The following SLC39A11 variants were observed in gnomAD, a reference collection of about 807,000 sequenced individuals.
The protein encoded by SLC39A11 is zinc transporter ZIP11.
Under a neutral mutation model 36.1 loss-of-function variants are expected in SLC39A11, and 33 were observed. The observed-to-expected ratio is 0.91, with a 90% CI of 0.69 to 1.22. The LOEUF is 1.22. Among genes scored for constraint, SLC39A11 ranks in the 50% most tolerant of loss-of-function variants. The pLI, the probability that SLC39A11 is intolerant of heterozygous loss-of-function variation, is 0.00. For missense variants in SLC39A11, 432 were observed against 430.3 expected (o/e 1.00, Z -0.03); for synonymous variants, 166 against 170.3 (o/e 0.97, Z 0.20).
At chr17:72,740,443 C>A (rs147932183) in intron 6 of SLC39A11, among the ~76,000 whole-genome samples, 6 of 152,220 alleles carry the variant, frequency 3.9e-5, no homozygotes, top group African/African-American at 1.4e-4. Context: ...CAAGACCGTA[C>A]GTTTATGTTG....
At chr17:72,670,218 T>G (rs1349079609) in intron 7 of SLC39A11, among the ~76,000 whole-genome samples, 1 of 145,330 alleles carries the variant, frequency 6.9e-6, no homozygotes, top group Non-Finnish European at 1.5e-5. Flanking sequence ...CACACATATA[T>G]ATATATGCCA....
chr17:72,891,356 T>A (rs1436253225), intron 5 of SLC39A11, among the ~76,000 whole-genome samples: 2 of 152,098 alleles, frequency 1.3e-5, no homozygotes, highest in Non-Finnish European at 2.9e-5. Context: ...GGGAGGTGAT[T>A]TGGACTCTTG....
intron 3 of SLC39A11, among the ~76,000 whole-genome samples, chr17:73,083,407 C>T (rs2060614662): frequency 6.6e-6 from 1 of 152,190 alleles, no homozygotes; most frequent in Non-Finnish European, 1.5e-5. Context: ...TGGCAGGCTC[C>T]ACCTCCAGGC....
chr17:72,860,719 C>T (rs374946601), intron 5 of SLC39A11, among the ~76,000 whole-genome samples: 2 of 152,130 alleles, frequency 1.3e-5, no homozygotes, highest in African/African-American at 4.8e-5. Context: ...GGAGGACTAT[C>T]GGTGTCATTG....
At chr17:72,885,021 A>C (rs1045271370) in intron 5 of SLC39A11, among the ~76,000 whole-genome samples, 15 of 152,218 alleles carry the variant, frequency 9.9e-5, no homozygotes, top group Admixed American at 2.6e-4. Context: ...GGGCTGGAGC[A>C]CTTGAATGAT....
chr17:73,024,197 C>A (rs561864712), intron 4 of SLC39A11, among the ~76,000 whole-genome samples: 2 of 152,320 alleles, frequency 1.3e-5, no homozygotes, highest in East Asian at 3.9e-4. Context: ...ACAACTGTGT[C>A]CCCACACTGG....
rs181464142 is a variant in SLC39A11, at chr17:72,756,764, T to C, written c.602-20045A>G. ...TAATCCAAAACCACAGCCTTACAAA[T>C]AGTTAATTAAGATGGTAATTTTGTT... On this transcript the variant is annotated intron_variant, in intron 6 of 9. Transcript: ENST00000255559. 1.5e-4 allele frequency among the ~76,000 whole-genome samples: 23 copies of C among 152,250 alleles called. No individual in the cohort carries two copies. The East Asian group carries it at 1.5e-3, about 10-fold the overall frequency.
At chr17:72,944,836 G>A (rs1007912121) in intron 5 of SLC39A11, among the ~76,000 whole-genome samples, 2 of 152,068 alleles carry the variant, frequency 1.3e-5, no homozygotes, top group Non-Finnish European at 2.9e-5. Flanking sequence ...AACACCCAAG[G>A]GTACCGTTAA....
chr17:72,906,108 C>A (rs2082645349), intron 5 of SLC39A11, among the ~76,000 whole-genome samples: 3 of 152,192 alleles, frequency 2.0e-5, no homozygotes, highest in African/African-American at 7.2e-5. Flanking sequence ...TAGAGTAGAG[C>A]AAAAGGGCCA....
intron 7 of SLC39A11, among the ~76,000 whole-genome samples, chr17:72,713,932 G>T (rs968163911): frequency 6.6e-6 from 1 of 152,164 alleles, no homozygotes; most frequent in African/African-American, 2.4e-5. Flanking sequence ...CCAGAGAAGT[G>T]AAATGACATT....
intron 3 of SLC39A11, among the ~76,000 whole-genome samples, chr17:73,041,942 C>T (rs9916389): frequency 0.58 from 88,705 of 151,988 alleles, 27,609 homozygotes; most frequent in East Asian, 0.73. Context: ...ATGCAAAATG[C>T]CCCAGGGATC....
chr17:72,802,770 A>G (rs2077133587), intron 6 of SLC39A11, among the ~76,000 whole-genome samples: 1 of 152,126 alleles, frequency 6.6e-6, no homozygotes. Flanking sequence ...GTAAACCAGT[A>G]GGTCTTTGTA....
intron 4 of SLC39A11, among the ~76,000 whole-genome samples, chr17:72,986,954 T>G (rs867912850): frequency 3.3e-5 from 5 of 152,144 alleles, no homozygotes; most frequent in Admixed American, 6.5e-5. Context: ...TCTGACATAG[T>G]ATGGATGTGT....
chr17:72,851,020 C>G (rs749400448), intron 5 of SLC39A11, among the ~76,000 whole-genome samples: 9 of 151,840 alleles, frequency 5.9e-5, no homozygotes, highest in East Asian at 1.9e-4. Context: ...CACAATGGAA[C>G]GAGGGAAGCG....
intron 5 of SLC39A11, among the ~76,000 whole-genome samples, chr17:72,928,793 C>T (rs1273992099): frequency 6.6e-6 from 1 of 152,102 alleles, no homozygotes; most frequent in African/African-American, 2.4e-5. Flanking sequence ...CTCTGGGAAC[C>T]GAGCAAGAGT....
chr17:72,678,563 G>A lies in SLC39A11; in HGVS notation c.672-29295C>T, dbSNP rs181109838. ...CTACTAAAAATACAAAAATTAGCCC[G>A]GCATGGTGGCGTGCGCCTGTAATCC... On this transcript the variant is annotated intron_variant, in intron 7 of 9. Coordinates refer to ENST00000255559, the MANE Select transcript of SLC39A11 (RefSeq NM_139177.4). Among the ~76,000 whole-genome samples the A allele has an allele frequency of 3.1e-3, 470 of 152,208 alleles. 4 individuals carry two copies. The highest frequency in any genetic ancestry group is 0.011 in the African/African-American group (443 of 41,528).
intron 4 of SLC39A11, among the ~76,000 whole-genome samples, chr17:72,989,164 G>A (rs776331704): frequency 9.9e-5 from 15 of 152,120 alleles, no homozygotes; most frequent in African/African-American, 2.2e-4. Context: ...TTTCTACTAC[G>A]TGTCTTTCAC....
At chr17:72,676,010 C>T (rs577127157) in intron 7 of SLC39A11, among the ~76,000 whole-genome samples, 30 of 151,840 alleles carry the variant, frequency 2.0e-4, no homozygotes, top group Non-Finnish European at 2.1e-4. Flanking sequence ...GGATCCTGCC[C>T]AGCCAAAGTC....
rs967565320 is a variant in SLC39A11 at position 72,993,902 on chromosome 17, G to A, written c.306+37654C>T. On this transcript the variant is annotated intron_variant, in intron 4 of 9. Transcript: ENST00000255559. ...CCCCACCCAAATCTCATCTTGAATTGTAGCTCCCACAATTCCCACATGTCC... is the reference window on the plus strand; with the variant it reads ...CCCCACCCAAATCTCATCTTGAATTATAGCTCCCACAATTCCCACATGTCC... Among the ~76,000 whole-genome samples, 10 of 152,226 alleles carry A rather than the reference G, an allele frequency of 6.6e-5. No homozygotes were observed. The East Asian group carries it at 1.9e-3, about 29-fold the overall frequency.
Sources: gnomAD v4.1 joint callset for allele counts (sites outside exome capture counted in the v4.1 genomes callset) on GRCh38, gnomAD v4.1.1 for gene constraint, MANE v1.5 for transcripts, NCBI Gene and HGNC (gene_info 2026-07-23, HGNC 2026-07-21) for gene names.